CDH4: variants seen among roughly 807,000 people sequenced by gnomAD.
The protein encoded by CDH4 is cadherin-4.
A neutral mutation model predicts 86.0 loss-of-function variants in CDH4; 33 were observed. The observed-to-expected ratio is 0.38, with a 90% CI of 0.29 to 0.51. The LOEUF is 0.51. CDH4 is among the 20% of genes least tolerant of loss of function. CDH4 has a pLI of 0.86. For missense variants in CDH4, 1,114 were observed against 1,307.4 expected (o/e 0.85, Z 2.28); for synonymous variants, 555 against 549.4 (o/e 1.01, Z -0.14).
chr20:61,360,283 T>C (rs1227121491), intron 2 of CDH4, among the ~76,000 whole-genome samples: 1 of 152,080 alleles, frequency 6.6e-6, no homozygotes, highest in African/African-American at 2.4e-5. Flanking sequence ...CTTTCCAGGG[T>C]ATGAAGGATA....
intron 2 of CDH4, among the ~76,000 whole-genome samples, chr20:61,328,227 G>A (rs1256332557): frequency 1.3e-5 from 2 of 152,250 alleles, no homozygotes; most frequent in East Asian, 3.9e-4. Context: ...CCAGGCTGGA[G>A]TGCAGTGGTG....
intron 4 of CDH4, 132 bp downstream of exon 4, chr20:61,773,314 T>C (rs2088800296): frequency 9.2e-6 from 8 of 871,086 alleles, no homozygotes; most frequent in Admixed American, 2.9e-5. Context: ...CTTTCTGTAA[T>C]GAGATAAGCC....
chr20:61,505,198 A>G (rs1018507862), intron 2 of CDH4, among the ~76,000 whole-genome samples: 2 of 152,158 alleles, frequency 1.3e-5, no homozygotes, highest in Non-Finnish European at 2.9e-5. Flanking sequence ...TTTACAGCAA[A>G]GTGATGGCTA....
At chr20:61,895,526 T>C (rs1378212707) in intron 8 of CDH4, among the ~76,000 whole-genome samples, 9 of 152,184 alleles carry the variant, frequency 5.9e-5, no homozygotes, top group Admixed American at 5.9e-4. Context: ...GACCATTCAC[T>C]GAATGTTGTT....
At chr20:61,331,645 C>CCTGCCCCGGCCACCTG (rs1568801178) in intron 2 of CDH4, among the ~76,000 whole-genome samples, 4 of 64,238 alleles carry the variant, frequency 6.2e-5, no homozygotes, top group Non-Finnish European at 7.3e-5. Flanking sequence ...AGACCCACCT[C>CCTGCCCCGGCCACCTG]CCGCCCCAGC....
chr20:61,276,286 G>A (rs773717609), intron 2 of CDH4, among the ~76,000 whole-genome samples: 3 of 152,130 alleles, frequency 2.0e-5, no homozygotes, highest in Non-Finnish European at 4.4e-5. Flanking sequence ...CTTAAGACCG[G>A]AAGTGCACAT....
intron 9 of CDH4, among the ~76,000 whole-genome samples, chr20:61,915,016 T>C (rs1053559409): frequency 1.2e-4 from 19 of 152,146 alleles, no homozygotes; most frequent in African/African-American, 4.1e-4. Flanking sequence ...TCAGCTACAG[T>C]GACGTTGGGC....
At chr20:61,445,129 C>A (rs1016237645) in intron 2 of CDH4, among the ~76,000 whole-genome samples, 4 of 152,090 alleles carry the variant, frequency 2.6e-5, no homozygotes, top group Non-Finnish European at 4.4e-5. Flanking sequence ...CTCCACTCTT[C>A]CCCCACTCCC....
chr20:61,597,818 A>G (rs934069331), intron 2 of CDH4, among the ~76,000 whole-genome samples: 23 of 152,340 alleles, frequency 1.5e-4, no homozygotes, highest in Admixed American at 2.0e-4. Context: ...GAAAGAGCCA[A>G]CCACAAACAA....
chr20:61,360,772 C>G (rs1452598767), intron 2 of CDH4, among the ~76,000 whole-genome samples: 1 of 152,136 alleles, frequency 6.6e-6, no homozygotes, highest in East Asian at 1.9e-4. Context: ...AAGAATCTGT[C>G]AAAAGCAGTC....
intron 2 of CDH4, among the ~76,000 whole-genome samples, chr20:61,325,059 C>T (rs2084529469): frequency 6.6e-6 from 1 of 152,120 alleles, no homozygotes; most frequent in Admixed American, 6.5e-5. Context: ...TGCCTCATGT[C>T]CAGAGCCACC....
intron 2 of CDH4, among the ~76,000 whole-genome samples, chr20:61,490,742 T>G (rs181577162): frequency 1.1e-3 from 166 of 149,282 alleles, no homozygotes; most frequent in African/African-American, 4.0e-3. Context: ...GTGGTGGGAG[T>G]CGGAGTGACG....
At chr20:61,852,630 C>T (rs1205101650) in intron 5 of CDH4, 124 bp from the exon 6 acceptor site, 18 of 915,540 alleles carry the variant, frequency 2.0e-5, no homozygotes, top group East Asian at 5.8e-5. Context: ...CAAAGCCCCC[C>T]GGCCCCTATA....
chr20:61,459,363 A>G (rs1237974308), intron 2 of CDH4, among the ~76,000 whole-genome samples: 1 of 152,034 alleles, frequency 6.6e-6, no homozygotes, highest in Non-Finnish European at 1.5e-5. Flanking sequence ...AGGAATGGGC[A>G]TGATGGAGCA....
intron 2 of CDH4, among the ~76,000 whole-genome samples, chr20:61,303,278 A>G (rs1190181728): frequency 6.6e-6 from 1 of 152,198 alleles, no homozygotes; most frequent in Non-Finnish European, 1.5e-5. Context: ...GCCTGGGTCA[A>G]GGAGGGCGAT....
chr20:61,626,078 C>T (rs1226270890), intron 2 of CDH4, among the ~76,000 whole-genome samples: 2 of 152,204 alleles, frequency 1.3e-5, no homozygotes, highest in African/African-American at 2.4e-5. Flanking sequence ...GAGCACTTAC[C>T]GTGTGTCTGG....
chr20:61,512,140 G>A (rs959552942), intron 2 of CDH4, among the ~76,000 whole-genome samples: 3 of 152,270 alleles, frequency 2.0e-5, no homozygotes, highest in South Asian at 2.1e-4. Flanking sequence ...AAACTGGGGC[G>A]AGGCTCCTGT....
At chr20:61,686,437 G>A (rs950662006) in intron 2 of CDH4, among the ~76,000 whole-genome samples, 9 of 148,694 alleles carry the variant, frequency 6.1e-5, no homozygotes, top group African/African-American at 1.2e-4. Flanking sequence ...GTGTATGTGC[G>A]TGTGCGTGTG....
At chr20:61,306,055 G>T (rs1468885499) in intron 2 of CDH4, among the ~76,000 whole-genome samples, 1 of 152,140 alleles carries the variant, frequency 6.6e-6, no homozygotes, top group African/African-American at 2.4e-5. Context: ...TTCAAGATGG[G>T]AGTAGGCTGT....
Sources: gnomAD v4.1 joint callset for allele counts (sites outside exome capture counted in the v4.1 genomes callset) on GRCh38, gnomAD v4.1.1 for gene constraint, MANE v1.5 for transcripts, NCBI Gene and HGNC (gene_info 2026-07-23, HGNC 2026-07-21) for gene names.